Variants in ELOVL5 observed in about 807,000 individuals in gnomAD.
ELOVL5 encodes the protein very long chain fatty acid elongase 5.
In ELOVL5, 8 loss-of-function variants were observed where a neutral mutation model predicts 38.6. That is an observed-to-expected ratio of 0.21 (90% confidence interval 0.12 to 0.37). The LOEUF is 0.37. Ranked by LOEUF, ELOVL5 falls within the 10% of genes least tolerant of loss-of-function variation. ELOVL5 has a pLI of 1.00. For missense variants in ELOVL5, 280 were observed against 367.8 expected (o/e 0.76, Z 1.95); for synonymous variants, 127 against 133.7 (o/e 0.95, Z 0.34).
rs575421886 is a variant in ELOVL5 at position 53,277,704 on chromosome 6, T to A, written c.247-1448A>T. On this transcript the variant is annotated intron_variant, in intron 3 of 7. Transcript: ENST00000304434. ...TGTCTTCTACTACTCTCTAAAGTCA[T>A]GGCCAGTCAAGCAGGATCCATGCAG... The A allele has an allele frequency of 1.1e-4, 16 of 152,326 alleles. No individual in the cohort carries two copies. The South Asian group carries it at 3.1e-3, about 30-fold the overall frequency. The allele number at this position is 152,326 out of a possible 1,614,324, so 9.4% of individuals were successfully genotyped here.
intron 7 of ELOVL5, among the ~76,000 whole-genome samples, chr6:53,269,658 CAA>C (rs1362787824): frequency 6.6e-6 from 1 of 152,234 alleles, no homozygotes; most frequent in Non-Finnish European, 1.5e-5. Context: ...TGTTCGTCTT[CAA>C]AAGTTCCTCA....
At chr6:53,274,186 T>G (rs1490287041) in intron 5 of ELOVL5, among the ~76,000 whole-genome samples, 1 of 152,234 alleles carries the variant, frequency 6.6e-6, no homozygotes, top group African/African-American at 2.4e-5. Context: ...AGGGAGGGGC[T>G]GTTTCTATTA....
intron 3 of ELOVL5, among the ~76,000 whole-genome samples, chr6:53,290,883 C>T (rs934443111): frequency 7.2e-5 from 11 of 152,206 alleles, no homozygotes; most frequent in African/African-American, 2.6e-4. Flanking sequence ...TTCTTTACTA[C>T]TCCTTGAAGA....
chr6:53,276,369 A>C (rs1766124298), intron 3 of ELOVL5, 113 bp from the exon 4 acceptor site: 6 of 696,854 alleles, frequency 8.6e-6, no homozygotes, highest in African/African-American at 7.3e-5. Flanking sequence ...TGCTGAGCCA[A>C]GTTTGCTCTG....
chr6:53,295,075 T>C (rs1189756211), intron 2 of ELOVL5, among the ~76,000 whole-genome samples: 3 of 152,248 alleles, frequency 2.0e-5, no homozygotes, highest in Non-Finnish European at 4.4e-5. Flanking sequence ...GAGATTCTTT[T>C]TGTCTGTTTA....
intron 7 of ELOVL5, 76 bp downstream of exon 7, chr6:53,270,517 C>G: frequency 6.6e-7 from 1 of 1,518,116 alleles, no homozygotes; most frequent in Non-Finnish European, 9.1e-7. Flanking sequence ...GCTCCACATG[C>G]CCATTAAGTA....
At chr6:53,348,239 G>T (rs1257187328) in intron 1 of ELOVL5, among the ~76,000 whole-genome samples, 2 of 152,326 alleles carry the variant, frequency 1.3e-5, no homozygotes, top group South Asian at 4.1e-4. Context: ...GCGGACGGAA[G>T]GTCCGCAGGG....
At position 53,276,263 on chromosome 6, in the gene ELOVL5, A is replaced by G. The variant is rs1310069922; in HGVS notation, c.247-7T>C. On this transcript the variant is annotated splice_region_variant and splice_polypyrimidine_tract_variant and intron_variant, in intron 3 of 7. Coordinates refer to ENST00000304434, the MANE Select transcript of ELOVL5 (RefSeq NM_021814.5). ...CCCATACTCCTGTTACTAACTAAAAAAGAAGAAAGAGCCAGTCACCAACAG... is the reference window on the plus strand; with the variant it reads ...CCCATACTCCTGTTACTAACTAAAAGAGAAGAAAGAGCCAGTCACCAACAG... 3.1e-6 allele frequency: 5 copies of G among 1,596,798 alleles called. No individual in the cohort carries two copies. In the South Asian group the frequency reaches 5.5e-5, roughly 18 times the overall value.
chr6:53,276,658 G>T (rs77943263), intron 3 of ELOVL5, among the ~76,000 whole-genome samples: 1 of 152,106 alleles, frequency 6.6e-6, no homozygotes, highest in Admixed American at 6.6e-5. Context: ...TGCAGCACCA[G>T]AATTACCTGA....
chr6:53,282,078 A>G (rs527662955), intron 3 of ELOVL5, among the ~76,000 whole-genome samples: 1 of 152,324 alleles, frequency 6.6e-6, no homozygotes, highest in East Asian at 1.9e-4. Flanking sequence ...TGTAGAAAGC[A>G]GATGGTAAGA....
rs780009900 is a variant in ELOVL5 at position 53,348,932 on chromosome 6, A to G, written c.-124T>C. 8 of 437,954 alleles carry G rather than the reference A, an allele frequency of 1.8e-5. No individual in the cohort carries two copies. In the East Asian group the frequency reaches 2.3e-4, roughly 13 times the overall value. 27.1% of individuals were successfully genotyped at this position (437,954 alleles called of 1,614,324 possible). A position where few individuals can be genotyped will look rare whatever the true frequency, so the allele number is the denominator to read the frequency against. ...GTAGAAGGAGACACCGGTGGCTAGG[A>G]CCCGCGCGATGGGAAGAGGAAGGCG... is the stretch of plus-strand genomic sequence containing the variant. On this transcript the variant is annotated 5_prime_UTR_variant, in exon 1 of 8. Coordinates refer to ENST00000304434, the MANE Select transcript of ELOVL5 (RefSeq NM_021814.5).
At chr6:53,331,610 C>T (rs1768807811) in intron 1 of ELOVL5, among the ~76,000 whole-genome samples, 1 of 152,172 alleles carries the variant, frequency 6.6e-6, no homozygotes, top group Admixed American at 6.5e-5. Flanking sequence ...GGCAGTTCAT[C>T]ACTGACCAAA....
intron 3 of ELOVL5, among the ~76,000 whole-genome samples, chr6:53,291,215 T>G (rs1425091236): frequency 3.3e-5 from 5 of 152,222 alleles, no homozygotes; most frequent in Admixed American, 3.3e-4. Context: ...TGATATAAAA[T>G]AACTGGGCCT....
intron 3 of ELOVL5, among the ~76,000 whole-genome samples, chr6:53,283,744 G>C (rs1766453397): frequency 6.6e-6 from 1 of 152,118 alleles, no homozygotes; most frequent in African/African-American, 2.4e-5. Context: ...CTACAAATGA[G>C]CAAAAGTGGG....
intron 1 of ELOVL5, among the ~76,000 whole-genome samples, chr6:53,298,221 T>A (rs1047920515): frequency 2.6e-5 from 4 of 152,076 alleles, no homozygotes; most frequent in Non-Finnish European, 5.9e-5. Context: ...CTAGGCTGCA[T>A]CCCAAACAGC....
At chr6:53,291,559 G>A (rs529754488) in intron 3 of ELOVL5, among the ~76,000 whole-genome samples, 3 of 152,020 alleles carry the variant, frequency 2.0e-5, no homozygotes, top group Non-Finnish European at 4.4e-5. Flanking sequence ...AATAACAAAG[G>A]CTTCTATTTT....
At chr6:53,326,352 T>A (rs1768539959) in intron 1 of ELOVL5, among the ~76,000 whole-genome samples, 1 of 152,134 alleles carries the variant, frequency 6.6e-6, no homozygotes. Context: ...AAGCTTTTTG[T>A]CACCTTGCTC....
At chr6:53,325,086 C>T (rs1768482217) in intron 1 of ELOVL5, among the ~76,000 whole-genome samples, 1 of 152,174 alleles carries the variant, frequency 6.6e-6, no homozygotes, top group African/African-American at 2.4e-5. Flanking sequence ...CCTGACTCTG[C>T]CCAACACCCT....
chr6:53,342,263 A>C lies in ELOVL5; in HGVS notation c.-9+6554T>G, dbSNP rs76740523. On this transcript the variant is annotated intron_variant, in intron 1 of 7. Transcript: ENST00000304434. ...TACCCTGAATACTACCCCTAGGGAG[A>C]TACATCACATTTCAAACTCCCCTGG... Among the ~76,000 whole-genome samples the C allele has an allele frequency of 4.3e-3, 661 of 152,334 alleles. 10 individuals are homozygous for C. The highest frequency in any genetic ancestry group is 0.015 in the African/African-American group (639 of 41,558).
Sources: gnomAD v4.1 joint callset for allele counts (sites outside exome capture counted in the v4.1 genomes callset) on GRCh38, gnomAD v4.1.1 for gene constraint, MANE v1.5 for transcripts, NCBI Gene and HGNC (gene_info 2026-07-23, HGNC 2026-07-21) for gene names.